CNTN4: variants seen among roughly 807,000 people sequenced by gnomAD.
CNTN4 encodes the protein contactin 4.
Under a neutral mutation model 122.5 loss-of-function variants are expected in CNTN4, and 77 were observed. The ratio of observed to expected loss-of-function variants is 0.63; its 90% confidence interval spans 0.52 to 0.76. CNTN4 has a LOEUF of 0.76. CNTN4 is among the 30% of genes least tolerant of loss of function. CNTN4 has a pLI of 0.00. For missense variants in CNTN4, 1,256 were observed against 1,259.1 expected (o/e 1.00, Z 0.04); for synonymous variants, 512 against 447.0 (o/e 1.15, Z -1.83).
At chr3:2,431,393 G>T (rs1213559240) in intron 3 of CNTN4, among the ~76,000 whole-genome samples, 1 of 152,172 alleles carries the variant, frequency 6.6e-6, no homozygotes, top group Non-Finnish European at 1.5e-5. Flanking sequence ...TAAATGCAAA[G>T]AATAAGTTTT....
At chr3:2,146,733 T>C (rs1221373721) in intron 2 of CNTN4, among the ~76,000 whole-genome samples, 1 of 152,212 alleles carries the variant, frequency 6.6e-6, no homozygotes, top group Non-Finnish European at 1.5e-5. Flanking sequence ...TACCCTGATA[T>C]GTGTCAGTTA....
At position 2,770,190 on chromosome 3, in the gene CNTN4, C is replaced by T. The variant is rs548696510; in HGVS notation, c.358+24493C>T. ...GACTACAGGCACGCGTCATCATGCC[C>T]GGCTAACGTTTGTATTTTTAGTAGA... On this transcript the variant is annotated intron_variant, in intron 6 of 24. Coordinates refer to ENST00000418658, the MANE Select transcript of CNTN4 (RefSeq NM_175607.3). Among the ~76,000 whole-genome samples, 22 of 152,150 alleles carry T rather than the reference C, an allele frequency of 1.4e-4. No homozygotes were observed. In the East Asian group the frequency reaches 1.7e-3, roughly 12 times the overall value.
chr3:3,049,561 C>T (rs1200169420), intron 23 of CNTN4, among the ~76,000 whole-genome samples: 2 of 152,178 alleles, frequency 1.3e-5, no homozygotes, highest in Non-Finnish European at 2.9e-5. Flanking sequence ...CTTGGTGCTT[C>T]TGCCTACCAG....
chr3:2,131,157 T>C (rs1265142018), intron 2 of CNTN4, among the ~76,000 whole-genome samples: 1 of 152,172 alleles, frequency 6.6e-6, no homozygotes, highest in Admixed American at 6.6e-5. Context: ...TAATTTTGTT[T>C]TACAGATGAG....
chr3:2,880,687 G>A (rs940739846), intron 8 of CNTN4, among the ~76,000 whole-genome samples: 3 of 152,204 alleles, frequency 2.0e-5, no homozygotes, highest in African/African-American at 7.2e-5. Context: ...TGAGTGTAAT[G>A]TATTTGAACC....
Position 2,542,556 on chromosome 3 carries a change from T to A in CNTN4, c.-88-28860T>A, listed in dbSNP as rs139431379. Among the ~76,000 whole-genome samples, 13 of 152,248 alleles carry A rather than the reference T, an allele frequency of 8.5e-5. No individual in the cohort carries two copies. In the East Asian group the frequency reaches 2.5e-3, roughly 29 times the overall value. On this transcript the variant is annotated intron_variant, in intron 3 of 24. Transcript: ENST00000418658. ...ACAGTGTGCCTAGCAACCGCTGATA[T>A]AGTACAAATTTTGCTGAATGTCAGA...
chr3:2,268,366 C>T (rs555089003), intron 2 of CNTN4, among the ~76,000 whole-genome samples: 6 of 151,900 alleles, frequency 3.9e-5, no homozygotes, highest in East Asian at 1.9e-4. Flanking sequence ...TATTTACATG[C>T]GTGTGACTTC....
chr3:2,633,926 C>T (rs1186437479), intron 4 of CNTN4, among the ~76,000 whole-genome samples: 2 of 152,180 alleles, frequency 1.3e-5, no homozygotes, highest in Non-Finnish European at 2.9e-5. Flanking sequence ...CTTAAAGTTC[C>T]ATTACCTTTC....
At chr3:2,737,641 A>T (rs1382856912) in intron 5 of CNTN4, among the ~76,000 whole-genome samples, 1 of 152,228 alleles carries the variant, frequency 6.6e-6, no homozygotes, top group African/African-American at 2.4e-5. Flanking sequence ...AACCGAAAGA[A>T]GTAAGCTGAA....
At chr3:2,834,371 C>A (rs1343036317) in intron 7 of CNTN4, among the ~76,000 whole-genome samples, 1 of 152,042 alleles carries the variant, frequency 6.6e-6, no homozygotes, top group African/African-American at 2.4e-5. Context: ...TTCAGACCAG[C>A]CTGGCCAACA....
At chr3:3,012,706 C>G (rs1377822307) in intron 14 of CNTN4, among the ~76,000 whole-genome samples, 1 of 152,140 alleles carries the variant, frequency 6.6e-6, no homozygotes, top group Admixed American at 6.5e-5. Flanking sequence ...CCGTGGCTCA[C>G]GCCTGTAATC....
chr3:2,234,369 T>TGAAA (rs2039602402), intron 2 of CNTN4, among the ~76,000 whole-genome samples: 1 of 9,920 alleles, frequency 1.0e-4, no homozygotes, highest in Non-Finnish European at 2.4e-4. Flanking sequence ...CAAGTCCATC[T>TGAAA]CAAAAAAAAA....
chr3:2,120,845 T>G (rs1469875711), intron 2 of CNTN4, among the ~76,000 whole-genome samples: 1 of 152,142 alleles, frequency 6.6e-6, no homozygotes, highest in African/African-American at 2.4e-5. Flanking sequence ...GTAATATTAA[T>G]TGAACATTTA....
At position 2,433,722 on chromosome 3, in the gene CNTN4, T is replaced by C. The variant is rs149765000; in HGVS notation, c.-89+94489T>C. Among the ~76,000 whole-genome samples, 640 of 152,270 alleles carry C rather than the reference T, an allele frequency of 4.2e-3. 8 individuals carry two copies. The highest frequency in any genetic ancestry group is 0.02 in the Middle Eastern group (6 of 294). ...GACCAATGTTGCGGAGCATTTCCTG[T>C]ATGTTTTCTTCTAGTAGTTTTGTAG... On this transcript the variant is annotated intron_variant, in intron 3 of 24. Coordinates refer to ENST00000418658, the MANE Select transcript of CNTN4 (RefSeq NM_175607.3).
rs377568646 is a variant in CNTN4, at chr3:3,026,094, C to G, written c.1487-8C>G. 1.9e-6 allele frequency: 3 copies of G among 1,612,184 alleles called. No individual in the cohort carries two copies. The African/African-American group carries it at 4.0e-5, about 22-fold the overall frequency. On this transcript the variant is annotated splice_polypyrimidine_tract_variant and splice_region_variant and intron_variant, in intron 14 of 24. Transcript: ENST00000418658. ...GTTGTTATTGTTTGTTTTGTTTTAA[C>G]TCTCCAGATCCAACAAGGGTAATGG...
At chr3:2,562,933 G>A (rs905068462) in intron 3 of CNTN4, among the ~76,000 whole-genome samples, 7 of 151,736 alleles carry the variant, frequency 4.6e-5, no homozygotes, top group Admixed American at 1.3e-4. Flanking sequence ...CCCCTGTGTT[G>A]CCCTGGCTGG....
chr3:2,262,956 C>G (rs2040895511), intron 2 of CNTN4, among the ~76,000 whole-genome samples: 1 of 152,022 alleles, frequency 6.6e-6, no homozygotes, highest in Non-Finnish European at 1.5e-5. Flanking sequence ...ACATTCCAAG[C>G]AGAATGTGAA....
At chr3:2,468,962 A>C (rs2075596406) in intron 3 of CNTN4, among the ~76,000 whole-genome samples, 1 of 152,200 alleles carries the variant, frequency 6.6e-6, no homozygotes, top group Non-Finnish European at 1.5e-5. Context: ...TTAAGGTGTC[A>C]AAGTACATAA....
At chr3:2,302,802 TAA>T (rs2042571167) in intron 2 of CNTN4, among the ~76,000 whole-genome samples, 1 of 152,200 alleles carries the variant, frequency 6.6e-6, no homozygotes, top group Non-Finnish European at 1.5e-5. Context: ...GTCTCATCCA[TAA>T]GTTTATTAGT....
Sources: gnomAD v4.1 joint callset for allele counts (sites outside exome capture counted in the v4.1 genomes callset) on GRCh38, gnomAD v4.1.1 for gene constraint, MANE v1.5 for transcripts, NCBI Gene and HGNC (gene_info 2026-07-23, HGNC 2026-07-21) for gene names.